XKR4: variants seen among roughly 807,000 people sequenced by gnomAD.
XKR4 encodes the protein XK related 4, also known as XK-related protein 4.
XKR4 carries 12 observed loss-of-function variants against 53.9 expected under a neutral mutation model. That is an observed-to-expected ratio of 0.22 (90% CI 0.14 to 0.36). The LOEUF is 0.36. Ranked by LOEUF, XKR4 falls within the 10% of genes least tolerant of loss-of-function variation. The pLI, the probability that XKR4 is intolerant of heterozygous loss-of-function variation, is 1.00. For missense variants in XKR4, 799 were observed against 859.5 expected, an observed-to-expected ratio of 0.93 and a Z score of 0.88; for synonymous variants, 354 against 362.4, an observed-to-expected ratio of 0.98 and a Z score of 0.26.
chr8:55,463,923 C>A lies in XKR4; in HGVS notation c.1007-59358C>A, dbSNP rs1446947428. Among the ~76,000 whole-genome samples the A allele has an allele frequency of 2.6e-5, 4 of 151,940 alleles. 1 individual carries two copies. The highest frequency in any genetic ancestry group is 4.8e-5 in the African/African-American group (2 of 41,296). On this transcript the variant is annotated intron_variant, in intron 2 of 2. Coordinates refer to ENST00000327381, the MANE Select transcript of XKR4 (RefSeq NM_052898.2). ...CACATACACTCTCCCAAGACTAAAC[C>A]AGGAGGAAGTTGAATCTCTGAATAG... is the stretch of plus-strand genomic sequence containing the variant.
At chr8:55,510,556 G>A (rs915927755) in intron 2 of XKR4, among the ~76,000 whole-genome samples, 13 of 152,086 alleles carry the variant, frequency 8.5e-5, no homozygotes, top group Non-Finnish European at 1.8e-4. Flanking sequence ...ATGGGCAGAT[G>A]GGAATGAAGA....
rs1819364299 is a variant in XKR4 at position 55,309,931 on chromosome 8, G to A, written c.807-47747G>A. ...CATTTAGAGGCTTTTCATTAATGAT[G>A]ATGATATGTCTGAATGTGCCTTATA... On this transcript the variant is annotated intron_variant, in intron 1 of 2. Coordinates refer to ENST00000327381, the MANE Select transcript of XKR4 (RefSeq NM_052898.2). 2.6e-5 allele frequency among the ~76,000 whole-genome samples: 4 copies of A among 152,174 alleles called. No homozygotes were observed. In the South Asian group the frequency reaches 6.2e-4, roughly 24 times the overall value.
chr8:55,410,079 C>T (rs1164152436), intron 2 of XKR4, among the ~76,000 whole-genome samples: 1 of 148,866 alleles, frequency 6.7e-6, no homozygotes, highest in Non-Finnish European at 1.5e-5. Flanking sequence ...TCCTCTCTGT[C>T]ATTTGCCTTT....
At chr8:55,115,789 A>C (rs549154144) in intron 1 of XKR4, among the ~76,000 whole-genome samples, 54 of 152,264 alleles carry the variant, frequency 3.5e-4, no homozygotes, top group Middle Eastern at 3.4e-3. Flanking sequence ...CACACACACA[A>C]AAAGTCCATT....
At chr8:55,323,950 TATTCCTCTGCTTTC>T (rs903844462) in intron 1 of XKR4, among the ~76,000 whole-genome samples, 7 of 151,852 alleles carry the variant, frequency 4.6e-5, no homozygotes, top group African/African-American at 1.2e-4. Flanking sequence ...GTTCACTTTT[TATTCCTCTGCTTTC>T]ATTCCTCTGC....
At chr8:55,509,408 A>G (rs958490521) in intron 2 of XKR4, among the ~76,000 whole-genome samples, 1 of 152,114 alleles carries the variant, frequency 6.6e-6, no homozygotes, top group African/African-American at 2.4e-5. Context: ...TGGTTCTGTC[A>G]GTAAATTTCT....
Position 55,541,776 on chromosome 8 carries a change from T to G in XKR4, c.*17549T>G, listed in dbSNP as rs113370998. The stretch of plus-strand genomic sequence containing the variant: ...TTCCTGTAAATATATATATTCAAAT[T>G]CCATGTATCCAAACATCCCTTTAGC... On this transcript the variant is annotated 3_prime_UTR_variant, in exon 3 of 3. Transcript: ENST00000327381. 6.6e-6 allele frequency: 1 copy of G among 152,204 alleles called. No homozygotes were observed. The highest frequency in any genetic ancestry group is 2.4e-5 in the African/African-American group (1 of 41,454). The allele number at this position is 152,204 out of a possible 1,614,324, so 9.4% of individuals were successfully genotyped here. A position where few individuals can be genotyped will look rare whatever the true frequency, so the allele number is the denominator to read the frequency against.
chr8:55,291,829 C>T (rs1819025302), intron 1 of XKR4, among the ~76,000 whole-genome samples: 1 of 152,072 alleles, frequency 6.6e-6, no homozygotes, highest in South Asian at 2.1e-4. Context: ...TTTGTAGATA[C>T]TCCTTATCAA....
intron 1 of XKR4, among the ~76,000 whole-genome samples, chr8:55,266,310 G>A (rs1015444520): frequency 1.4e-4 from 22 of 151,830 alleles, no homozygotes; most frequent in African/African-American, 4.1e-4. Context: ...CCATGGCTGC[G>A]TCCTCCAGTT....
At chr8:55,217,673 G>A (rs1294473855) in intron 1 of XKR4, among the ~76,000 whole-genome samples, 11 of 152,242 alleles carry the variant, frequency 7.2e-5, no homozygotes, top group East Asian at 1.9e-4. Flanking sequence ...ATACAGGCTC[G>A]TTGCTGAAGT....
chr8:55,455,270 TGCG>T (rs911913969), intron 2 of XKR4: 82 of 166,284 alleles, frequency 4.9e-4, no homozygotes, highest in African/African-American at 1.9e-3. Context: ...CGGCTGCGGC[TGCG>T]GCGGCGGCCC....
chr8:55,305,414 G>A (rs889832583), intron 1 of XKR4, among the ~76,000 whole-genome samples: 1 of 152,086 alleles, frequency 6.6e-6, no homozygotes, highest in African/African-American at 2.4e-5. Context: ...GGGGTCACCG[G>A]AAGGCTACAG....
chr8:55,400,539 C>T (rs1453784825), intron 2 of XKR4, among the ~76,000 whole-genome samples: 7 of 152,058 alleles, frequency 4.6e-5, no homozygotes, highest in African/African-American at 1.7e-4. Flanking sequence ...GGAGGAATCC[C>T]CATGGGGCGG....
intron 1 of XKR4, among the ~76,000 whole-genome samples, chr8:55,322,329 T>A (rs1316250401): frequency 6.6e-6 from 1 of 152,222 alleles, no homozygotes; most frequent in African/African-American, 2.4e-5. Flanking sequence ...GTAATTCTTA[T>A]GTCCATATGT....
chr8:55,322,255 T>C (rs1343250380), intron 1 of XKR4, among the ~76,000 whole-genome samples: 4 of 152,240 alleles, frequency 2.6e-5, no homozygotes, highest in African/African-American at 9.6e-5. Flanking sequence ...CACTCGAGTA[T>C]GTTTCTAAAT....
chr8:55,136,634 C>A (rs1454394425), intron 1 of XKR4, among the ~76,000 whole-genome samples: 1 of 152,136 alleles, frequency 6.6e-6, no homozygotes, highest in African/African-American at 2.4e-5. Flanking sequence ...AGATTTCGAT[C>A]TTTTTTGCTC....
chr8:55,327,274 G>A (rs527888235), intron 1 of XKR4, among the ~76,000 whole-genome samples: 5 of 151,896 alleles, frequency 3.3e-5, no homozygotes, highest in South Asian at 4.2e-4. Flanking sequence ...TATTGAAGTC[G>A]CTAGGTTTTC....
chr8:55,246,292 G>A (rs1050939186), intron 1 of XKR4, among the ~76,000 whole-genome samples: 1 of 152,154 alleles, frequency 6.6e-6, no homozygotes, highest in Non-Finnish European at 1.5e-5. Context: ...AGTGCCTCAG[G>A]GGCAGTGGAC....
At chr8:55,368,091 G>T (rs1360177984) in intron 2 of XKR4, among the ~76,000 whole-genome samples, 2 of 152,084 alleles carry the variant, frequency 1.3e-5, no homozygotes, top group East Asian at 1.9e-4. Context: ...CTCCCAAGTA[G>T]CTGAGACTAC....
Sources: gnomAD v4.1 joint callset for allele counts (sites outside exome capture counted in the v4.1 genomes callset) on GRCh38, gnomAD v4.1.1 for gene constraint, MANE v1.5 for transcripts, NCBI Gene and HGNC (gene_info 2026-07-23, HGNC 2026-07-21) for gene names.